Variants in OR2AJ1 observed in about 807,000 individuals in gnomAD.
The protein encoded by OR2AJ1 is olfactory receptor family 2 subfamily AJ member 1, also known as olfactory receptor 2AJ1.
For synonymous variants in OR2AJ1, 105 were observed against 60.3 expected (o/e 1.74, Z -3.44); for missense variants, 280 against 163.2 (o/e 1.72, Z -3.90).
At chr1:247,930,515 C>T (rs1660140185) in intron 1 of OR2AJ1, among the ~76,000 whole-genome samples, 2 of 151,968 alleles carry the variant, frequency 1.3e-5, no homozygotes, top group South Asian at 2.1e-4. Context: ...AATGTAATTT[C>T]CAAGCAGGAG....
rs1044873640 is a variant in OR2AJ1 at position 247,934,542 on chromosome 1, A to G, written c.774A>G (p.Thr258=). The G allele has an allele frequency of 1.4e-5, 10 of 717,526 alleles. No individual in the cohort carries two copies. Among genetic ancestry groups the G allele is most frequent in the Middle Eastern group, 4.6e-4 (2 of 4,372 alleles). 44.4% of individuals were successfully genotyped at this position (717,526 alleles called of 1,614,324 possible). ...VTMYYGPFIF[T]YMRPKSYHTP... is the part of the protein sequence containing the mutation. ...TGTACTATGGGCCATTTATTTTTACATATATGAGACCTAAATCATACCACA... is the reference window on the plus strand; with the variant it reads ...TGTACTATGGGCCATTTATTTTTACGTATATGAGACCTAAATCATACCACA... Residue 258 remains threonine, a synonymous_variant, in exon 2 of 2, where the codon ACA becomes ACG. Transcript: ENST00000318244.
chr1:247,928,969 C>T (rs1417167783), intron 1 of OR2AJ1, among the ~76,000 whole-genome samples: 2 of 152,086 alleles, frequency 1.3e-5, no homozygotes, highest in Non-Finnish European at 2.9e-5. Context: ...TCGTGGGCGC[C>T]TGTAGTCCCA....
At chr1:247,931,037 G>A (rs1236117200) in intron 1 of OR2AJ1, among the ~76,000 whole-genome samples, 2 of 152,100 alleles carry the variant, frequency 1.3e-5, no homozygotes, top group Non-Finnish European at 2.9e-5. Context: ...AAAACTTGAA[G>A]TATATATAAA....
intron 1 of OR2AJ1, among the ~76,000 whole-genome samples, chr1:247,931,984 C>G (rs924004580): frequency 6.6e-6 from 1 of 152,156 alleles, no homozygotes; most frequent in South Asian, 2.1e-4. Context: ...CACCACTGCC[C>G]TGAAGTCTGA....
intron 1 of OR2AJ1, among the ~76,000 whole-genome samples, chr1:247,930,796 T>A (rs1022530430): frequency 1.3e-5 from 2 of 152,074 alleles, no homozygotes; most frequent in African/African-American, 4.8e-5. Flanking sequence ...CAGTTATCAT[T>A]TGAAGGAAGT....
Position 247,934,195 on chromosome 1 carries a change from C to G in OR2AJ1, c.427C>G (p.Leu143Val). The change falls in exon 2 of 2, where the codon CTC becomes GTC. Residue 143 changes from leucine (L) to valine (V), a missense_variant. Physicochemically the swap from Leu to Val is conservative, Grantham distance 32 (BLOSUM62 1). Transcript: ENST00000318244. ...TCTTATGAAGGAGTATGCCAGCGCT[C>G]TCATGGCTGGAGGCTCCTGGCTCAT... ...PILMKEYASA[L>V]MAGGSWLIGV... is the part of the protein sequence containing the mutation. The G allele has an allele frequency of 1.4e-6, 1 of 718,584 alleles. No individual in the cohort carries two copies. The highest frequency in any genetic ancestry group is 2.6e-6 in the Non-Finnish European group (1 of 385,656). The allele number at this position is 718,584 out of a possible 1,614,324, so 44.5% of individuals were successfully genotyped here. A position where few individuals can be genotyped will look rare whatever the true frequency, so the allele number is the denominator to read the frequency against.
At position 247,934,369 on chromosome 1, in the gene OR2AJ1, G is replaced by A. The variant is rs755969331; in HGVS notation, c.601G>A (p.Val201Ile). 33 of 721,518 alleles carry A rather than the reference G, an allele frequency of 4.6e-5. No homozygotes were observed. Among genetic ancestry groups the A allele is most frequent in the Non-Finnish European group, 7.7e-5 (30 of 387,482 alleles). The allele number at this position is 721,518 out of a possible 1,614,324, so 44.7% of individuals were successfully genotyped here. A position where few individuals can be genotyped will look rare whatever the true frequency, so the allele number is the denominator to read the frequency against. Residue 201 changes from valine to isoleucine, a missense_variant, in exon 2 of 2, where the codon GTA becomes ATA. Transcript: ENST00000318244. ...AACACGCTATGAACGAGGGGTTTGT[G>A]TAAGTGCTGTGATCTTCCTGCTGAT... ...DTTRYERGVC[V>I]SAVIFLLIPF...
At position 247,935,326 on chromosome 1, in the gene OR2AJ1, T is replaced by A. The variant is rs1239281672; in HGVS notation, c.*571T>A. Reference sequence around the variant, plus strand: ...ATATCATAAAAATTGCCTTATTTCATTTATACATACAGGATGATGTTTTAC... The same window carrying A: ...ATATCATAAAAATTGCCTTATTTCAATTATACATACAGGATGATGTTTTAC... On this transcript the variant is annotated 3_prime_UTR_variant, in exon 2 of 2. Coordinates refer to ENST00000318244, the MANE Select transcript of OR2AJ1 (RefSeq NM_001355235.2). 2 of 152,128 alleles carry A rather than the reference T, an allele frequency of 1.3e-5. No homozygotes were observed. Among genetic ancestry groups the A allele is most frequent in the African/African-American group, 4.8e-5 (2 of 41,430 alleles). The allele number at this position is 152,128 out of a possible 1,614,324, so 9.4% of individuals were successfully genotyped here.
intron 1 of OR2AJ1, among the ~76,000 whole-genome samples, chr1:247,933,175 A>G (rs181197008): frequency 2.0e-5 from 3 of 152,314 alleles, no homozygotes; most frequent in African/African-American, 7.2e-5. Context: ...CAAATATTCA[A>G]CATTCTTGAG....
At chr1:247,930,223 C>A (rs1660136987) in intron 1 of OR2AJ1, among the ~76,000 whole-genome samples, 1 of 152,182 alleles carries the variant, frequency 6.6e-6, no homozygotes, top group African/African-American at 2.4e-5. Context: ...AAATAAATAA[C>A]TACTTAACAT....
chr1:247,926,187 A>G (rs1280592994), intron 1 of OR2AJ1, among the ~76,000 whole-genome samples: 2 of 152,182 alleles, frequency 1.3e-5, no homozygotes, highest in Non-Finnish European at 2.9e-5. Flanking sequence ...TATCTTTAGC[A>G]TAGAATTTTA....
Position 247,934,471 on chromosome 1 carries a change from A to G in OR2AJ1, c.703A>G (p.Lys235Glu). 2.8e-6 allele frequency: 2 copies of G among 717,544 alleles called. No individual in the cohort carries two copies. The highest frequency in any genetic ancestry group is 5.2e-6 in the Non-Finnish European group (2 of 385,110). 44.4% of individuals were successfully genotyped at this position (717,544 alleles called of 1,614,324 possible). ...VLQMKSSEAR[K>E]KSFSTCSFHM... ...CCAGATGAAATCATCAGAGGCAAGGAAAAAGTCATTTTCCACTTGTTCCTT... is the reference window on the plus strand; with the variant it reads ...CCAGATGAAATCATCAGAGGCAAGGGAAAAGTCATTTTCCACTTGTTCCTT... Residue 235 changes from lysine (K) to glutamate (E), a missense_variant, in exon 2 of 2, where the codon AAA becomes GAA. Coordinates refer to ENST00000318244, the MANE Select transcript of OR2AJ1 (RefSeq NM_001355235.2).
In OR2AJ1 at chr1:247,934,104, C is replaced by T. The variant is rs564416359; in HGVS notation, c.336C>T (p.Cys112=). Residue 112 remains cysteine, a synonymous_variant, in exon 2 of 2, where the codon TGC becomes TGT. Coordinates refer to ENST00000318244, the MANE Select transcript of OR2AJ1 (RefSeq NM_001355235.2). ...FLSLTLLGGE[C]LLLAAMSCDR... The stretch of plus-strand genomic sequence containing the variant: ...CCCTCACCCTCCTGGGTGGTGAGTG[C>T]CTTCTCCTGGCTGCAATGTCCTGTG... The T allele has an allele frequency of 2.2e-5, 16 of 718,410 alleles. No homozygotes were observed. The highest frequency in any genetic ancestry group is 3.9e-5 in the Non-Finnish European group (15 of 385,520). The allele number at this position is 718,410 out of a possible 1,614,324, so 44.5% of individuals were successfully genotyped here.
Position 247,934,353 on chromosome 1 carries a change from T to G in OR2AJ1, c.585T>G (p.Tyr195Ter). ...TGTCCTGTGCAGACACAACACGCTA[T>G]GAACGAGGGGTTTGTGTAAGTGCTG... is the stretch of plus-strand genomic sequence containing the variant. Reference protein sequence around the residue: ...LKLSCADTTRYERGVCVSAVI... With the variant: ...LKLSCADTTR Residue 195 changes from tyrosine to a stop codon, truncating the protein, a stop_gained, in exon 2 of 2, where the codon TAT (tyrosine) becomes TAG (stop). Transcript: ENST00000318244. LOFTEE classifies it low-confidence loss of function (END_TRUNC). 1.4e-6 allele frequency: 1 copy of G among 728,358 alleles called. No homozygotes were observed. Among genetic ancestry groups the G allele is most frequent in the Non-Finnish European group, 2.6e-6 (1 of 391,048 alleles). The allele number at this position is 728,358 out of a possible 1,614,324, so 45.1% of individuals were successfully genotyped here. A position where few individuals can be genotyped will look rare whatever the true frequency, so the allele number is the denominator to read the frequency against.
chr1:247,929,782 G>T (rs945638749), intron 1 of OR2AJ1, among the ~76,000 whole-genome samples: 6 of 151,842 alleles, frequency 4.0e-5, no homozygotes, highest in African/African-American at 1.5e-4. Flanking sequence ...TTTCATGTAA[G>T]ACAAAAAAAT....
chr1:247,933,697 G>A (rs1407396477), intron 1 of OR2AJ1, 50 bp from the exon 2 acceptor site: 1 of 549,714 alleles, frequency 1.8e-6, no homozygotes, highest in Non-Finnish European at 3.3e-6. Flanking sequence ...GTTAGATTAA[G>A]ATTTACACTA....
chr1:247,928,566 A>G (rs1333596955), intron 1 of OR2AJ1, among the ~76,000 whole-genome samples: 1 of 152,116 alleles, frequency 6.6e-6, no homozygotes, highest in Non-Finnish European at 1.5e-5. Flanking sequence ...CTTAGAGATA[A>G]AATCTTTTCT....
intron 1 of OR2AJ1, among the ~76,000 whole-genome samples, chr1:247,933,367 G>A (rs998108815): frequency 6.6e-6 from 1 of 152,184 alleles, no homozygotes; most frequent in Non-Finnish European, 1.5e-5. Context: ...TGAAAATGGA[G>A]CAGAGCAAGG....
chr1:247,934,661 T>C lies in OR2AJ1; in HGVS notation c.893T>C (p.Leu298Pro), dbSNP rs1660197346. The C allele has an allele frequency of 1.4e-6, 1 of 717,154 alleles. No homozygotes were observed. Among genetic ancestry groups the C allele is most frequent in the African/African-American group, 1.7e-5 (1 of 57,252 alleles). 44.4% of individuals were successfully genotyped at this position (717,154 alleles called of 1,614,324 possible). A position where few individuals can be genotyped will look rare whatever the true frequency, so the allele number is the denominator to read the frequency against. Reference sequence around the variant, plus strand: ...TACAGCTTTAGGAATAAAGATGTTCTGGCGGTGATGAAAAATATGCTCAAA... The same window carrying C: ...TACAGCTTTAGGAATAAAGATGTTCCGGCGGTGATGAAAAATATGCTCAAA... ...FIYSFRNKDV[L>P]AVMKNMLKSN... The change falls in exon 2 of 2, where the codon CTG (leucine) becomes CCG (proline). Residue 298 changes from leucine (L) to proline (P), a missense_variant. By Grantham distance (98) the Leu-to-Pro change is moderately conservative. Transcript: ENST00000318244.
Sources: allele counts gnomAD v4.1 joint callset (sites outside exome capture counted in the v4.1 genomes callset), GRCh38; gene constraint gnomAD v4.1.1; transcripts MANE v1.5; gene names NCBI Gene and HGNC (gene_info 2026-07-23, HGNC 2026-07-21).